ST7: variants seen among roughly 807,000 people sequenced by gnomAD.
ST7 encodes suppression of tumorigenicity 7.
ST7 carries 28 observed loss-of-function variants against 78.7 expected under a neutral mutation model. The ratio of observed to expected loss-of-function variants is 0.36; its 90% CI spans 0.26 to 0.49. ST7 has a LOEUF of 0.49. Among genes scored for constraint, ST7 ranks in the 20% least tolerant of loss-of-function variants. The pLI, the probability that ST7 is intolerant of heterozygous loss-of-function variation, is 0.99. For missense variants in ST7, 418 were observed against 696.0 expected, an observed-to-expected ratio of 0.60 and a Z score of 4.49; for synonymous variants, 247 against 249.6, an observed-to-expected ratio of 0.99 and a Z score of 0.10.
chr7:117,071,987 A>C (rs930839625), intron 1 of ST7: 3 of 152,226 alleles, frequency 2.0e-5, no homozygotes, highest in Admixed American at 6.5e-5. Flanking sequence ...CCAGGAGGAT[A>C]ATACTCTTCC....
At chr7:117,216,214 C>A (rs1440257430) in intron 13 of ST7, among the ~76,000 whole-genome samples, 1 of 152,140 alleles carries the variant, frequency 6.6e-6, no homozygotes, top group Non-Finnish European at 1.5e-5. Context: ...ATGATCTGTT[C>A]TTTCACTAAT....
chr7:117,115,349 G>A (rs537474516), intron 2 of ST7, among the ~76,000 whole-genome samples: 51 of 147,858 alleles, frequency 3.4e-4, no homozygotes, highest in Non-Finnish European at 5.5e-4. Flanking sequence ...GAAGTGGTAG[G>A]TTACTTTTTT....
At chr7:116,997,840 G>C (rs1253594092) in intron 1 of ST7, among the ~76,000 whole-genome samples, 1 of 152,248 alleles carries the variant, frequency 6.6e-6, no homozygotes. Flanking sequence ...CCTTGAGCTA[G>C]ATACAGAGTG....
intron 10 of ST7, among the ~76,000 whole-genome samples, chr7:117,178,457 C>T (rs1010434097): frequency 1.3e-5 from 2 of 152,182 alleles, no homozygotes; most frequent in Admixed American, 6.5e-5. Context: ...CTACTTTCAT[C>T]TCAACCTCTG....
chr7:117,169,626 C>T (rs542669204), intron 9 of ST7, among the ~76,000 whole-genome samples: 1 of 152,232 alleles, frequency 6.6e-6, no homozygotes, highest in South Asian at 2.1e-4. Flanking sequence ...CAGTCTCTTG[C>T]TCCTTGAATT....
chr7:117,219,076 G>T lies in ST7; in HGVS notation c.1406-8G>T, dbSNP rs144689726. Reference sequence around the variant, plus strand: ...GGACATCTCTGACATATTTTTTCTCGTTTTCAGCTTTTCGGATGATCCCTT... The same window carrying T: ...GGACATCTCTGACATATTTTTTCTCTTTTTCAGCTTTTCGGATGATCCCTT... On this transcript the variant is annotated splice_polypyrimidine_tract_variant and splice_region_variant and intron_variant, in intron 13 of 15. Coordinates refer to ENST00000323984, the MANE Select transcript of ST7 (RefSeq NM_001369598.1). This position sits in a 1 kb window ranked among gnomAD's most constrained non-coding sequence, Gnocchi z 5.1. The T allele has an allele frequency of 1.9e-6, 3 of 1,603,536 alleles. No homozygotes were observed. Among genetic ancestry groups the T allele is most frequent in the Admixed American group, 1.7e-5 (1 of 57,648 alleles).
At chr7:116,974,975 C>G (rs1051050250) in intron 1 of ST7, among the ~76,000 whole-genome samples, 3 of 152,032 alleles carry the variant, frequency 2.0e-5, no homozygotes, top group Non-Finnish European at 4.4e-5. Context: ...TCAATTCTGC[C>G]CTGATTATAA....
chr7:117,191,298 A>G (rs1196207998), intron 12 of ST7, among the ~76,000 whole-genome samples: 1 of 152,148 alleles, frequency 6.6e-6, no homozygotes, highest in Non-Finnish European at 1.5e-5. Flanking sequence ...GTTGTTGTGA[A>G]TAAAACTGGT....
At chr7:116,978,034 C>T (rs1251013034) in intron 1 of ST7, among the ~76,000 whole-genome samples, 1 of 152,218 alleles carries the variant, frequency 6.6e-6, no homozygotes, top group Non-Finnish European at 1.5e-5. Flanking sequence ...GTTCTCTCTC[C>T]TGTGCCTGGT....
intron 12 of ST7, among the ~76,000 whole-genome samples, chr7:117,203,675 A>C (rs1034374831): frequency 6.6e-6 from 1 of 152,130 alleles, no homozygotes; most frequent in Admixed American, 6.5e-5. Context: ...CATCTTACTA[A>C]GGTACTTACC....
chr7:117,064,655 G>A (rs1441763659), intron 1 of ST7, among the ~76,000 whole-genome samples: 1 of 152,162 alleles, frequency 6.6e-6, no homozygotes, highest in East Asian at 1.9e-4. Flanking sequence ...CTTATTTGTT[G>A]CTTCATAAAG....
At chr7:117,218,901 T>A (rs772586684) in intron 13 of ST7, 183 bp from the exon 14 acceptor site, 22 of 567,524 alleles carry the variant, frequency 3.9e-5, no homozygotes, top group South Asian at 3.6e-4. Flanking sequence ...GTGAGATGAA[T>A]GTGTGAGTAA....
chr7:116,982,846 AG>A (rs1794017871), intron 1 of ST7, among the ~76,000 whole-genome samples: 1 of 152,210 alleles, frequency 6.6e-6, no homozygotes, highest in Non-Finnish European at 1.5e-5. Context: ...GGGGAGAGTA[AG>A]GGAATATATG....
intron 1 of ST7, chr7:116,966,230 T>C: frequency 3.6e-6 from 1 of 275,416 alleles, no homozygotes; most frequent in Non-Finnish European, 7.6e-6. Flanking sequence ...TATATGTTGC[T>C]TTTTTCTTTT....
intron 1 of ST7, among the ~76,000 whole-genome samples, chr7:117,034,862 G>C (rs1232875860): frequency 3.3e-5 from 5 of 152,156 alleles, no homozygotes; most frequent in African/African-American, 1.2e-4. Flanking sequence ...TTATCACTAT[G>C]TAAGAAGGGA....
At chr7:117,070,208 C>T (rs1798854923) in intron 1 of ST7, among the ~76,000 whole-genome samples, 1 of 152,172 alleles carries the variant, frequency 6.6e-6, no homozygotes, top group Non-Finnish European at 1.5e-5. Context: ...GCTTTCTACT[C>T]TGAGTGTTGT....
chr7:117,197,096 A>G (rs974078191), intron 12 of ST7, among the ~76,000 whole-genome samples: 3 of 152,140 alleles, frequency 2.0e-5, no homozygotes, highest in African/African-American at 4.8e-5. Flanking sequence ...GTGCAATGAC[A>G]CAATCATAGC....
chr7:117,220,771 C>G (rs193593), intron 14 of ST7, among the ~76,000 whole-genome samples: 1 of 151,926 alleles, frequency 6.6e-6, no homozygotes, highest in African/African-American at 2.4e-5. Context: ...TATAGCCACA[C>G]GAGGCCCTGA....
intron 1 of ST7, among the ~76,000 whole-genome samples, chr7:117,078,740 A>G (rs1799539209): frequency 6.6e-6 from 1 of 152,226 alleles, no homozygotes; most frequent in African/African-American, 2.4e-5. Flanking sequence ...TAGCATATGT[A>G]GGACATTCCA....
Sources: gnomAD v4.1 joint callset for allele counts (sites outside exome capture counted in the v4.1 genomes callset) on GRCh38, gnomAD v4.1.1 for gene constraint, Gnocchi (gnomAD v3.1) non-coding constraint, MANE v1.5 for transcripts, NCBI Gene and HGNC (gene_info 2026-07-23, HGNC 2026-07-21) for gene names.